The following DCC variants were observed in gnomAD, a reference collection of about 807,000 sequenced individuals.
The protein encoded by DCC is DCC netrin 1 receptor, also known as netrin receptor DCC.
Under a neutral mutation model 172.5 loss-of-function variants are expected in DCC, and 58 were observed. The ratio of observed to expected loss-of-function variants is 0.34; its 90% CI spans 0.27 to 0.42. The LOEUF is 0.42. DCC is among the 10% of genes least tolerant of loss of function. The pLI is 1.00. For synonymous variants in DCC, 709 were observed against 644.5 expected, an observed-to-expected ratio of 1.10 and a Z score of -1.52; for missense variants, 1,740 against 1,791.0, an observed-to-expected ratio of 0.97 and a Z score of 0.51.
At chr18:53,487,466 G>A (rs1349581775) in intron 26 of DCC, among the ~76,000 whole-genome samples, 6 of 150,424 alleles carry the variant, frequency 4.0e-5, no homozygotes, top group Non-Finnish European at 8.8e-5. Flanking sequence ...AGGAAGGTAG[G>A]AATGAAAAGA....
At chr18:52,341,710 A>G (rs1436920045) in intron 1 of DCC, among the ~76,000 whole-genome samples, 1 of 152,194 alleles carries the variant, frequency 6.6e-6, no homozygotes, top group Non-Finnish European at 1.5e-5. Flanking sequence ...GGACTGCTGT[A>G]ATCTCCGAAT....
intron 13 of DCC, among the ~76,000 whole-genome samples, chr18:53,317,646 T>C (rs1454881358): frequency 1.3e-5 from 2 of 152,206 alleles, no homozygotes; most frequent in Non-Finnish European, 2.9e-5. Flanking sequence ...TCTGCATCAA[T>C]TCCAGAACTT....
At chr18:52,564,763 A>G (rs1320230371) in intron 1 of DCC, among the ~76,000 whole-genome samples, 1 of 152,056 alleles carries the variant, frequency 6.6e-6, no homozygotes, top group Non-Finnish European at 1.5e-5. Context: ...ATAAAATTTC[A>G]AGGATTTCAT....
chr18:53,453,641 A>G (rs1020078025), intron 23 of DCC, among the ~76,000 whole-genome samples: 5 of 152,208 alleles, frequency 3.3e-5, no homozygotes, highest in African/African-American at 1.2e-4. Context: ...CTAGTGGGTA[A>G]GATTTCATTT....
intron 1 of DCC, among the ~76,000 whole-genome samples, chr18:52,706,260 G>A (rs1698908914): frequency 6.6e-6 from 1 of 152,200 alleles, no homozygotes; most frequent in African/African-American, 2.4e-5. Flanking sequence ...GTTAAGCACA[G>A]CCAGATATTT....
intron 7 of DCC, among the ~76,000 whole-genome samples, chr18:53,089,330 C>T (rs992908079): frequency 6.6e-6 from 1 of 152,268 alleles, no homozygotes; most frequent in Admixed American, 6.5e-5. Context: ...AAATGATCTT[C>T]CCACCTCGGC....
intron 2 of DCC, among the ~76,000 whole-genome samples, chr18:52,905,086 C>T (rs1246346470): frequency 6.6e-6 from 1 of 151,998 alleles, no homozygotes; most frequent in African/African-American, 2.4e-5. Context: ...GCAGAGAAGC[C>T]TTCTCTCTCA....
At chr18:52,673,392 G>A (rs561053534) in intron 1 of DCC, among the ~76,000 whole-genome samples, 334 of 152,228 alleles carry the variant, frequency 2.2e-3, no homozygotes, top group Non-Finnish European at 3.5e-3. Flanking sequence ...ACTGGTCAGG[G>A]ACTTTGGAGA....
At chr18:53,526,379 T>G (rs1483987594) in intron 27 of DCC, among the ~76,000 whole-genome samples, 2 of 152,158 alleles carry the variant, frequency 1.3e-5, no homozygotes, top group Non-Finnish European at 2.9e-5. Flanking sequence ...TGATTTGGAA[T>G]CTACTTGCAA....
chr18:52,362,817 G>A (rs931885689), intron 1 of DCC, among the ~76,000 whole-genome samples: 2 of 151,842 alleles, frequency 1.3e-5, no homozygotes, highest in African/African-American at 4.8e-5. Context: ...TAAACCAAAA[G>A]AGCATTTATT....
intron 1 of DCC, among the ~76,000 whole-genome samples, chr18:52,674,862 A>G (rs1325254154): frequency 6.7e-6 from 1 of 148,200 alleles, no homozygotes; most frequent in African/African-American, 2.6e-5. Context: ...GGAAAGTGGA[A>G]GTCAGACATG....
intron 5 of DCC, among the ~76,000 whole-genome samples, chr18:53,013,175 G>T (rs566084427): frequency 6.6e-6 from 1 of 152,190 alleles, no homozygotes; most frequent in East Asian, 1.9e-4. Flanking sequence ...ATTCCTCGAG[G>T]ATCTAGAACC....
At chr18:53,245,798 C>T (rs1233481808) in intron 12 of DCC, among the ~76,000 whole-genome samples, 1 of 152,050 alleles carries the variant, frequency 6.6e-6, no homozygotes, top group Non-Finnish European at 1.5e-5. Context: ...TAAGGAGTAT[C>T]TTATTTTCTA....
At chr18:53,073,615 C>T (rs184252051) in intron 7 of DCC, among the ~76,000 whole-genome samples, 2 of 152,018 alleles carry the variant, frequency 1.3e-5, no homozygotes, top group East Asian at 3.9e-4. Flanking sequence ...AAAATAGTTT[C>T]ACTGTAGTAG....
At chr18:53,407,528 G>GATATAT (rs74180422) in intron 19 of DCC, among the ~76,000 whole-genome samples, 3,109 of 117,322 alleles carry the variant, frequency 0.026, 95 homozygotes, top group East Asian at 0.11. Flanking sequence ...TTTTATTCTG[G>GATATAT]ATATATATAT....
At chr18:52,661,795 T>G (rs2144948685) in intron 1 of DCC, among the ~76,000 whole-genome samples, 1 of 152,372 alleles carries the variant, frequency 6.6e-6, no homozygotes, top group South Asian at 2.1e-4. Context: ...TGGAGAAGTC[T>G]GCTGAAAGCA....
intron 1 of DCC, among the ~76,000 whole-genome samples, chr18:52,478,822 AC>A (rs1475937548): frequency 3.9e-5 from 6 of 152,008 alleles, no homozygotes; most frequent in Non-Finnish European, 8.8e-5. Context: ...TGAGAAATCC[AC>A]CCCCATGATC....
intron 5 of DCC, among the ~76,000 whole-genome samples, chr18:52,944,465 C>T (rs1277046879): frequency 6.6e-6 from 1 of 152,082 alleles, no homozygotes; most frequent in Non-Finnish European, 1.5e-5. Flanking sequence ...CAATATTTGT[C>T]CGAAGAAGCC....
At chr18:52,393,474 T>G (rs947562539) in intron 1 of DCC, among the ~76,000 whole-genome samples, 1 of 152,040 alleles carries the variant, frequency 6.6e-6, no homozygotes, top group African/African-American at 2.4e-5. Context: ...AATCTCTATA[T>G]TATTTATATT....
Sources: gnomAD v4.1 joint callset for allele counts (sites outside exome capture counted in the v4.1 genomes callset) on GRCh38, gnomAD v4.1.1 for gene constraint, MANE v1.5 for transcripts, NCBI Gene and HGNC (gene_info 2026-07-23, HGNC 2026-07-21) for gene names.